RFTN1: variants seen among roughly 807,000 people sequenced by gnomAD.
The protein encoded by RFTN1 is raftlin, lipid raft linker 1, also known as raftlin.
Under a neutral mutation model 46.5 loss-of-function variants are expected in RFTN1, and 26 were observed. That is an observed-to-expected ratio of 0.56 (90% CI 0.41 to 0.78). The LOEUF (loss-of-function observed/expected upper bound fraction) is 0.78. Among genes scored for constraint, RFTN1 ranks in the 30% least tolerant of loss-of-function variants. The pLI, the probability that RFTN1 is intolerant of heterozygous loss-of-function variation, is 0.00. For synonymous variants in RFTN1, 261 were observed against 284.2 expected (o/e 0.92, Z 0.82); for missense variants, 693 against 718.7 (o/e 0.96, Z 0.41).
intron 1 of RFTN1, among the ~76,000 whole-genome samples, chr3:16,497,494 C>G (rs1449262472): frequency 6.6e-6 from 1 of 152,224 alleles, no homozygotes; most frequent in Non-Finnish European, 1.5e-5. Context: ...GCGGCAGGTT[C>G]TCCCTACTGG....
chr3:16,416,923 A>G (rs534657990), intron 3 of RFTN1, among the ~76,000 whole-genome samples: 1 of 152,294 alleles, frequency 6.6e-6, no homozygotes, highest in East Asian at 1.9e-4. Context: ...AATCATTTTT[A>G]AGTGTACAAT....
At position 16,407,520 on chromosome 3, in the gene RFTN1, T is replaced by C. The variant is rs1274413757; in HGVS notation, c.441+1855A>G. ...AATCACATGTTTTTAAAAAGCATAT[T>C]TGAGAGTGGGCAGAGCCTTATGCCT... On this transcript the variant is annotated intron_variant, in intron 4 of 9. Transcript: ENST00000334133. This position sits in a 1 kb window ranked among gnomAD's most constrained non-coding sequence, Gnocchi z 4.0. Among the ~76,000 whole-genome samples, 1 of 152,144 alleles carries C rather than the reference T, an allele frequency of 6.6e-6. No homozygotes were observed. Among genetic ancestry groups the C allele is most frequent in the African/African-American group, 2.4e-5 (1 of 41,426 alleles).
intron 1 of RFTN1, among the ~76,000 whole-genome samples, chr3:16,494,834 C>A (rs2076599461): frequency 6.6e-6 from 1 of 152,194 alleles, no homozygotes; most frequent in African/African-American, 2.4e-5. Context: ...ACCACTGCTG[C>A]CATCAGAACA....
At chr3:16,358,083 C>G (rs35271329) in intron 6 of RFTN1, 36 bp from the exon 7 acceptor site, 1 of 1,057,896 alleles carries the variant, frequency 9.5e-7, no homozygotes. Flanking sequence ...TGGGGGGGGT[C>G]TGTAAACCGT....
At chr3:16,404,747 C>T (rs1308997597) in intron 4 of RFTN1, among the ~76,000 whole-genome samples, 4 of 152,040 alleles carry the variant, frequency 2.6e-5, no homozygotes, top group Admixed American at 2.0e-4. Context: ...CCTCGTTCCA[C>T]ACCTCTCCGA....
intron 2 of RFTN1, among the ~76,000 whole-genome samples, chr3:16,492,106 G>C (rs1270672570): frequency 6.6e-6 from 1 of 152,172 alleles, no homozygotes; most frequent in Non-Finnish European, 1.5e-5. Flanking sequence ...ATAGGTATCT[G>C]CACGTTTAAG....
chr3:16,471,262 AT>A (rs2076190514), intron 2 of RFTN1, among the ~76,000 whole-genome samples: 3 of 152,220 alleles, frequency 2.0e-5, no homozygotes, highest in Non-Finnish European at 2.9e-5. Context: ...AATGGGCCAC[AT>A]GTCACAGTCT....
intron 2 of RFTN1, among the ~76,000 whole-genome samples, chr3:16,445,201 A>C (rs942868471): frequency 2.0e-5 from 3 of 152,332 alleles, no homozygotes; most frequent in Admixed American, 2.0e-4. Flanking sequence ...AAAATAATGC[A>C]TCTTTACAAG....
chr3:16,317,351 TC>T lies in RFTN1; in HGVS notation c.1333-120del. ...TGAGTGAGACATACAATTCCCAGCA[TC>T]CCCCAGCCAGGCAGTACAGGCACCA... On this transcript the variant is annotated intron_variant, in intron 9 of 9. Coordinates refer to ENST00000334133, the MANE Select transcript of RFTN1 (RefSeq NM_015150.2). The surrounding 1 kb of genome is among the most constrained non-coding windows in gnomAD (Gnocchi z 4.3). 9.1e-7 allele frequency: 1 copy of T among 1,093,400 alleles called. No individual in the cohort carries two copies. Among genetic ancestry groups the T allele is most frequent in the Non-Finnish European group, 1.3e-6 (1 of 762,674 alleles). 67.7% of individuals were successfully genotyped at this position (1,093,400 alleles called of 1,614,324 possible). A position where few individuals can be genotyped will look rare whatever the true frequency, so the allele number is the denominator to read the frequency against.
chr3:16,404,739 T>G (rs2074810709), intron 4 of RFTN1, among the ~76,000 whole-genome samples: 3 of 151,766 alleles, frequency 2.0e-5, no homozygotes, highest in Admixed American at 2.0e-4. Flanking sequence ...TGCAGAGCCC[T>G]CGTTCCACAC....
chr3:16,511,650 G>A (rs951651150), intron 1 of RFTN1, among the ~76,000 whole-genome samples: 1 of 152,126 alleles, frequency 6.6e-6, no homozygotes, highest in Admixed American at 6.5e-5. Flanking sequence ...TTTCAATTCT[G>A]CTGAAAAGAG....
chr3:16,478,295 T>C (rs1035159638), intron 2 of RFTN1, among the ~76,000 whole-genome samples: 2 of 152,168 alleles, frequency 1.3e-5, no homozygotes, highest in African/African-American at 2.4e-5. Context: ...CTAGCTAATC[T>C]TCCTGAAATA....
intron 4 of RFTN1, among the ~76,000 whole-genome samples, chr3:16,391,696 GT>G (rs2074343917): frequency 6.6e-6 from 1 of 151,996 alleles, no homozygotes; most frequent in African/African-American, 2.4e-5. Context: ...CAAAATGAGG[GT>G]ATATGGCACC....
rs10681518 is a variant in RFTN1, at chr3:16,445,483, TCACACA to T, written c.146-11452_146-11447del. On this transcript the variant is annotated intron_variant, in intron 2 of 9. Transcript: ENST00000334133. ...TTCTCTCTTTCTCTCTCTCTCTCTC[TCACACA>T]CACACACACACACACACACACACAC... 4.1e-3 allele frequency among the ~76,000 whole-genome samples: 521 copies of T among 126,846 alleles called. 5 individuals are homozygous for T. The highest frequency in any genetic ancestry group is 0.014 in the African/African-American group (473 of 32,708). The allele number at this position is 126,846 out of a possible 152,430, so 83.2% of individuals were successfully genotyped here.
In RFTN1 at chr3:16,320,183, G is replaced by A. The variant is rs1322371749; in HGVS notation, c.1333-2951C>T. On this transcript the variant is annotated intron_variant, in intron 9 of 9. Coordinates refer to ENST00000334133, the MANE Select transcript of RFTN1 (RefSeq NM_015150.2). The surrounding 1 kb of genome is among the most constrained non-coding windows in gnomAD (Gnocchi z 4.5). ...TGTGTCCACTTCAAGTAGTTTAGCT[G>A]GAAGGAAGTCTTCCCGAGTTGTAGA... 6.6e-6 allele frequency among the ~76,000 whole-genome samples: 1 copy of A among 152,222 alleles called. No homozygotes were observed. Among genetic ancestry groups the A allele is most frequent in the Non-Finnish European group, 1.5e-5 (1 of 68,048 alleles).
At chr3:16,391,215 G>A (rs1272008335) in intron 4 of RFTN1, among the ~76,000 whole-genome samples, 1 of 152,212 alleles carries the variant, frequency 6.6e-6, no homozygotes, top group East Asian at 1.9e-4. Flanking sequence ...ACAGAATGAA[G>A]ATGTAGATTG....
intron 1 of RFTN1, among the ~76,000 whole-genome samples, chr3:16,502,142 G>A (rs748586999): frequency 6.6e-6 from 1 of 152,126 alleles, no homozygotes; most frequent in Non-Finnish European, 1.5e-5. Flanking sequence ...CAAGGCAGGT[G>A]AATCACTTGA....
At position 16,387,476 on chromosome 3, in the gene RFTN1, T is replaced by C. The variant is rs2074218637; in HGVS notation, c.442-9374A>G. 6.6e-6 allele frequency among the ~76,000 whole-genome samples: 1 copy of C among 151,958 alleles called. No individual in the cohort carries two copies. On this transcript the variant is annotated intron_variant, in intron 4 of 9. Coordinates refer to ENST00000334133, the MANE Select transcript of RFTN1 (RefSeq NM_015150.2). This position sits in a 1 kb window ranked among gnomAD's most constrained non-coding sequence, Gnocchi z 5.2. ...TGTCCCCAGCATCGGTGTGACCCGG[T>C]TAAGGCAAAACCCAGGCCATAGAGC...
intron 3 of RFTN1, among the ~76,000 whole-genome samples, chr3:16,409,796 T>C (rs1213547061): frequency 1.3e-5 from 2 of 151,762 alleles, no homozygotes; most frequent in Non-Finnish European, 2.9e-5. Flanking sequence ...GCCATTCTCC[T>C]GCCTCAGCCT....
Sources: allele counts gnomAD v4.1 joint callset (sites outside exome capture counted in the v4.1 genomes callset), GRCh38; gene constraint gnomAD v4.1.1; non-coding constraint Gnocchi (gnomAD v3.1); transcripts MANE v1.5; gene names NCBI Gene and HGNC (gene_info 2026-07-23, HGNC 2026-07-21).